Variants in CDC42SE2 observed in about 807,000 individuals in gnomAD.
CDC42SE2 encodes the protein CDC42 small effector 2.
CDC42SE2 carries 3 observed loss-of-function variants against 11.5 expected under a neutral mutation model. The observed-to-expected ratio is 0.26, with a 90% CI of 0.12 to 0.67. CDC42SE2 has a LOEUF of 0.67. Ranked by LOEUF, CDC42SE2 falls within the 30% of genes least tolerant of loss-of-function variation. The pLI is 0.80. For missense variants in CDC42SE2, 82 were observed against 106.8 expected (o/e 0.77, Z 1.02); for synonymous variants, 33 against 34.8 (o/e 0.95, Z 0.18).
chr5:131,347,293 G>C (rs936876967), intron 2 of CDC42SE2, among the ~76,000 whole-genome samples: 40 of 152,088 alleles, frequency 2.6e-4, no homozygotes, highest in South Asian at 4.2e-4. Flanking sequence ...TCAAATAGAT[G>C]CAATAAAAAA....
At chr5:131,382,567 G>A (rs1175486310) in intron 3 of CDC42SE2, among the ~76,000 whole-genome samples, 1 of 152,154 alleles carries the variant, frequency 6.6e-6, no homozygotes, top group Non-Finnish European at 1.5e-5. Flanking sequence ...TCCTCCTAGT[G>A]GTCTGGAAGT....
At chr5:131,382,018 T>G (rs772016351) in intron 3 of CDC42SE2, among the ~76,000 whole-genome samples, 5 of 152,214 alleles carry the variant, frequency 3.3e-5, no homozygotes, top group Non-Finnish European at 7.3e-5. Context: ...ACTGAAAGCT[T>G]CTTTCATATC....
At chr5:131,369,460 C>G (rs1749953866) in intron 3 of CDC42SE2, among the ~76,000 whole-genome samples, 1 of 152,290 alleles carries the variant, frequency 6.6e-6, no homozygotes, top group Middle Eastern at 3.4e-3. Flanking sequence ...CTGGGTCTAA[C>G]AGCTGAGGAA....
intron 2 of CDC42SE2, among the ~76,000 whole-genome samples, chr5:131,323,919 T>C (rs774114737): frequency 1.3e-5 from 2 of 152,176 alleles, no homozygotes; most frequent in Non-Finnish European, 2.9e-5. Context: ...GAGACAAAAG[T>C]ACATGAGATT....
intron 3 of CDC42SE2, among the ~76,000 whole-genome samples, chr5:131,362,790 GATA>G (rs1749745839): frequency 4.6e-5 from 7 of 152,192 alleles, no homozygotes. Flanking sequence ...GCTGTTGCTA[GATA>G]TAGCTAAGGT....
At chr5:131,381,312 GT>G (rs113604313) in intron 3 of CDC42SE2, among the ~76,000 whole-genome samples, 60,821 of 148,564 alleles carry the variant, frequency 0.41, 15,415 homozygotes, top group African/African-American at 0.73. Context: ...ACCAAGTGCT[GT>G]TTTTTTTTGT....
chr5:131,260,046 T>C (rs966187658), upstream of CDC42SE2, among the ~76,000 whole-genome samples: 2 of 152,262 alleles, frequency 1.3e-5, no homozygotes, highest in Non-Finnish European at 2.9e-5. Context: ...GCTTGTGTAA[T>C]GATAATAACT....
At chr5:131,352,512 A>T (rs1749372846) in intron 2 of CDC42SE2, among the ~76,000 whole-genome samples, 1 of 152,162 alleles carries the variant, frequency 6.6e-6, no homozygotes, top group Non-Finnish European at 1.5e-5. Context: ...TTTTAAATAT[A>T]AGGAAAAAAT....
intron 1 of CDC42SE2, among the ~76,000 whole-genome samples, chr5:131,246,461 A>G (rs1040128319): frequency 6.6e-6 from 1 of 152,188 alleles, no homozygotes; most frequent in African/African-American, 2.4e-5. Flanking sequence ...TCCCAAAAAA[A>G]TAAAATAAAA....
intron 3 of CDC42SE2, among the ~76,000 whole-genome samples, chr5:131,362,737 G>A (rs1749743690): frequency 6.6e-6 from 1 of 152,146 alleles, no homozygotes; most frequent in African/African-American, 2.4e-5. Flanking sequence ...AATGTTTTGA[G>A]CCGTGGTATT....
intron 1 of CDC42SE2, among the ~76,000 whole-genome samples, chr5:131,279,565 A>G (rs570468388): frequency 6.6e-6 from 1 of 150,594 alleles, no homozygotes; most frequent in South Asian, 2.1e-4. Context: ...TTCTCTGATA[A>G]TTTACTTTCT....
chr5:131,225,199 G>A, the CDC42SE2 span, among the ~76,000 whole-genome samples: 4 of 152,178 alleles, frequency 2.6e-5, 1 homozygote, highest in South Asian at 8.3e-4. Context: ...ATGACACTAT[G>A]TAACAACCTC....
intron 1 of CDC42SE2, among the ~76,000 whole-genome samples, chr5:131,310,787 A>G (rs1212661781): frequency 6.6e-6 from 1 of 151,312 alleles, no homozygotes; most frequent in Non-Finnish European, 1.5e-5. Flanking sequence ...TTTGTTTTCC[A>G]TTTGTTTGGT....
chr5:131,382,639 T>G (rs550662282), intron 3 of CDC42SE2, among the ~76,000 whole-genome samples: 1 of 152,316 alleles, frequency 6.6e-6, no homozygotes, highest in South Asian at 2.1e-4. Flanking sequence ...CAAGTGGCTC[T>G]CTCTGCATAT....
At chr5:131,333,524 GGGGAT>G (rs1475635486) in intron 2 of CDC42SE2, among the ~76,000 whole-genome samples, 2 of 152,152 alleles carry the variant, frequency 1.3e-5, no homozygotes, top group Non-Finnish European at 2.9e-5. Context: ...GTAGATTGAT[GGGGAT>G]GGCATTGAAT....
At chr5:131,353,477 C>G (rs1235488136) in intron 2 of CDC42SE2, among the ~76,000 whole-genome samples, 3 of 152,016 alleles carry the variant, frequency 2.0e-5, no homozygotes, top group Admixed American at 2.0e-4. Context: ...GGATGGGGTT[C>G]TGCTGCATTG....
chr5:131,225,305 C>G, the CDC42SE2 span, among the ~76,000 whole-genome samples: 1 of 152,146 alleles, frequency 6.6e-6, no homozygotes, highest in Non-Finnish European at 1.5e-5. Flanking sequence ...AACGGGATTT[C>G]AGGCCTAAAT....
At chr5:131,293,972 T>C (rs115268411) in intron 1 of CDC42SE2, among the ~76,000 whole-genome samples, 1 of 152,298 alleles carries the variant, frequency 6.6e-6, no homozygotes, top group African/African-American at 2.4e-5. Context: ...GATAAGCTAG[T>C]TGGCATTTCA....
At chr5:131,390,596 A>G (rs1183663565) in intron 4 of CDC42SE2, among the ~76,000 whole-genome samples, 1 of 151,940 alleles carries the variant, frequency 6.6e-6, no homozygotes, top group Non-Finnish European at 1.5e-5. Context: ...AATCATTTGA[A>G]CCTGGGAGGT....
Sources: allele counts gnomAD v4.1 joint callset (sites outside exome capture counted in the v4.1 genomes callset), GRCh38; gene constraint gnomAD v4.1.1; transcripts MANE v1.5; gene names NCBI Gene and HGNC (gene_info 2026-07-23, HGNC 2026-07-21).